VPS13B: variants seen among roughly 807,000 people sequenced by gnomAD.
The protein encoded by VPS13B is intermembrane lipid transfer protein VPS13B.
A neutral mutation model predicts 426.4 loss-of-function variants in VPS13B; 285 were observed. That is an observed-to-expected ratio of 0.67 (90% CI 0.61 to 0.74). The LOEUF (loss-of-function observed/expected upper bound fraction) is 0.74. Among genes scored for constraint, VPS13B ranks in the 30% least tolerant of loss-of-function variants. VPS13B has a pLI of 0.00. For synonymous variants in VPS13B, 1,676 were observed against 1,676.4 expected, an observed-to-expected ratio of 1.00 and a Z score of 0.01; for missense variants, 4,537 against 4,782.6, an observed-to-expected ratio of 0.95 and a Z score of 1.51.
At chr8:99,497,971 G>A (rs543505014) in intron 25 of VPS13B, among the ~76,000 whole-genome samples, 1 of 151,926 alleles carries the variant, frequency 6.6e-6, no homozygotes, top group East Asian at 1.9e-4. Flanking sequence ...GAATATCTAT[G>A]AAAAAAATAA....
intron 35 of VPS13B, among the ~76,000 whole-genome samples, chr8:99,683,036 G>A (rs1183901806): frequency 6.6e-6 from 1 of 152,114 alleles, no homozygotes; most frequent in Non-Finnish European, 1.5e-5. Flanking sequence ...TTCATTTTGA[G>A]TTAATTTTTA....
At chr8:99,243,587 G>A (rs931125491) in intron 17 of VPS13B, among the ~76,000 whole-genome samples, 5 of 152,052 alleles carry the variant, frequency 3.3e-5, no homozygotes, top group Non-Finnish European at 5.9e-5. Context: ...CTTCACTGAT[G>A]TCTTACATTT....
At chr8:99,281,427 G>A (rs1282623049) in intron 19 of VPS13B, among the ~76,000 whole-genome samples, 4 of 152,192 alleles carry the variant, frequency 2.6e-5, no homozygotes, top group Non-Finnish European at 5.9e-5. Context: ...TTCTTATAGT[G>A]AACAGCCTTG....
At chr8:99,140,095 G>T (rs536943406) in intron 12 of VPS13B, among the ~76,000 whole-genome samples, 1 of 152,100 alleles carries the variant, frequency 6.6e-6, no homozygotes, top group South Asian at 2.1e-4. Context: ...GGCTGAGCGT[G>T]GTGGCTCATG....
chr8:99,273,347 T>C lies in VPS13B; in HGVS notation c.2516-851T>C, dbSNP rs1818702520. ...CTAATTTTTGTACTTTTTTTTTTTT[T>C]AGTAGAGATGGGGTTTCACCATGTT... is the stretch of plus-strand genomic sequence containing the variant. On this transcript the variant is annotated intron_variant, in intron 17 of 61. Transcript: ENST00000357162. Among the ~76,000 whole-genome samples the C allele has an allele frequency of 4.2e-5, 6 of 142,550 alleles. No individual in the cohort carries two copies. The South Asian group carries it at 1.4e-3, about 33-fold the overall frequency. The allele number at this position is 142,550 out of a possible 152,430, so 93.5% of individuals were successfully genotyped here. A position where few individuals can be genotyped will look rare whatever the true frequency, so the allele number is the denominator to read the frequency against.
intron 19 of VPS13B, among the ~76,000 whole-genome samples, chr8:99,326,452 C>CTTGTTTTTTTTTTTTTTTTTTTT (rs1810267861): frequency 3.1e-5 from 1 of 32,518 alleles, no homozygotes; most frequent in African/African-American, 1.3e-4. Flanking sequence ...CTCTAGGTAG[C>CTTGTTTTTTTTTTTTTTTTTTTT]TTTTTTTTTT....
intron 35 of VPS13B, among the ~76,000 whole-genome samples, chr8:99,679,418 G>A (rs1475593801): frequency 6.6e-6 from 1 of 152,124 alleles, no homozygotes; most frequent in Non-Finnish European, 1.5e-5. Flanking sequence ...TTTAGAAATT[G>A]GTGCAATTAC....
chr8:99,643,813 A>G (rs190476218), intron 34 of VPS13B, among the ~76,000 whole-genome samples: 3 of 152,196 alleles, frequency 2.0e-5, no homozygotes, highest in Admixed American at 2.0e-4. Context: ...TCTCTTTCTC[A>G]AATATATTCT....
intron 39 of VPS13B, among the ~76,000 whole-genome samples, chr8:99,754,508 C>G (rs528398269): frequency 6.6e-6 from 1 of 152,236 alleles, no homozygotes; most frequent in East Asian, 1.9e-4. Flanking sequence ...GGTTTCTTAG[C>G]CTATTAAGGT....
At chr8:99,412,020 T>C (rs1815696586) in intron 21 of VPS13B, among the ~76,000 whole-genome samples, 1 of 152,240 alleles carries the variant, frequency 6.6e-6, no homozygotes, top group Non-Finnish European at 1.5e-5. Flanking sequence ...TAGGATTGTC[T>C]TGGCTATGCG....
intron 22 of VPS13B, among the ~76,000 whole-genome samples, chr8:99,436,103 G>A (rs1388441117): frequency 6.6e-6 from 1 of 151,980 alleles, no homozygotes; most frequent in Non-Finnish European, 1.5e-5. Context: ...AAATGGAGGA[G>A]GAGAAACCAG....
intron 2 of VPS13B, among the ~76,000 whole-genome samples, chr8:99,019,077 C>T (rs148594983): frequency 6.6e-6 from 1 of 151,716 alleles, no homozygotes; most frequent in African/African-American, 2.4e-5. Flanking sequence ...TATATATTGG[C>T]CTTATTGATT....
intron 21 of VPS13B, among the ~76,000 whole-genome samples, chr8:99,401,818 A>G (rs1452930215): frequency 6.6e-6 from 1 of 152,222 alleles, no homozygotes; most frequent in Non-Finnish European, 1.5e-5. Flanking sequence ...GTGAGCCGAG[A>G]TCGCGCCACT....
At chr8:99,611,336 A>G in intron 33 of VPS13B, among the ~76,000 whole-genome samples, 1 of 152,122 alleles carries the variant, frequency 6.6e-6, no homozygotes, top group South Asian at 2.1e-4. Flanking sequence ...TTTGTGATAT[A>G]TTTTTGATAG....
chr8:99,368,278 G>C (rs906563685), intron 19 of VPS13B, among the ~76,000 whole-genome samples: 1 of 152,090 alleles, frequency 6.6e-6, no homozygotes, highest in Non-Finnish European at 1.5e-5. Flanking sequence ...TAGCCTAACT[G>C]CTTTCTTCAC....
intron 3 of VPS13B, among the ~76,000 whole-genome samples, chr8:99,066,547 C>A (rs945333319): frequency 6.6e-6 from 1 of 152,296 alleles, no homozygotes; most frequent in Middle Eastern, 3.4e-3. Context: ...ACCACAAAAA[C>A]CCTAGAAGAA....
chr8:99,788,105 C>T (rs910998915), intron 43 of VPS13B, among the ~76,000 whole-genome samples: 4 of 151,956 alleles, frequency 2.6e-5, no homozygotes, highest in Admixed American at 2.6e-4. Flanking sequence ...GCCTGAAATC[C>T]TAACACTTTG....
intron 39 of VPS13B, among the ~76,000 whole-genome samples, chr8:99,730,456 A>G (rs981095008): frequency 6.6e-6 from 1 of 152,174 alleles, no homozygotes; most frequent in African/African-American, 2.4e-5. Flanking sequence ...TTAGACAAAG[A>G]AAAATCTAAA....
chr8:99,425,426 A>T (rs1378076123), intron 21 of VPS13B, among the ~76,000 whole-genome samples: 1 of 152,188 alleles, frequency 6.6e-6, no homozygotes, highest in East Asian at 1.9e-4. Context: ...CAAGTCAATA[A>T]ACATAATCCA....
Sources: gnomAD v4.1 joint callset for allele counts (sites outside exome capture counted in the v4.1 genomes callset) on GRCh38, gnomAD v4.1.1 for gene constraint, MANE v1.5 for transcripts, NCBI Gene and HGNC (gene_info 2026-07-23, HGNC 2026-07-21) for gene names.